The following MADD variants were observed in gnomAD, a reference collection of about 807,000 sequenced individuals.
MADD encodes MAP kinase-activating death domain protein.
MADD carries 109 observed loss-of-function variants against 176.7 expected under a neutral mutation model. That is an observed-to-expected ratio of 0.62 (90% CI 0.53 to 0.72). MADD has a LOEUF of 0.72. MADD is among the 30% of genes least tolerant of loss of function. The pLI is 0.00. For synonymous variants in MADD, 771 were observed against 771.3 expected, an observed-to-expected ratio of 1.00 and a Z score of 0.01; for missense variants, 1,914 against 2,045.5, an observed-to-expected ratio of 0.94 and a Z score of 1.24.
intron 23 of MADD, 73 bp downstream of exon 25, chr11:47,308,772 C>T: frequency 7.8e-7 from 1 of 1,274,514 alleles, no homozygotes; most frequent in Non-Finnish European, 1.1e-6. Flanking sequence ...TCACACTGAA[C>T]AAGTAGCTGG....
At chr11:47,300,786 C>CGT (rs2077125319) in intron 22 of MADD, among the ~76,000 whole-genome samples, 1 of 152,214 alleles carries the variant, frequency 6.6e-6, no homozygotes, top group Non-Finnish European at 1.5e-5. Flanking sequence ...GCGTGAACCA[C>CGT]CGTGCCCTGT....
chr11:47,290,485 T>A, intron 18 of MADD, 125 bp from the exon 20 acceptor site: 1 of 1,252,692 alleles, frequency 8.0e-7, no homozygotes, highest in South Asian at 1.5e-5. Context: ...AAATAAGACA[T>A]CAGCTCATCT....
intron 1 of MADD, chr11:47,272,390 C>T (rs1965584615): frequency 6.6e-6 from 1 of 152,120 alleles, no homozygotes; most frequent in African/African-American, 2.4e-5. Context: ...TACTCATTAC[C>T]TAAACCAAAT....
intron 7 of MADD, among the ~76,000 whole-genome samples, chr11:47,280,151 T>C (rs2055046096): frequency 1.3e-5 from 2 of 152,224 alleles, no homozygotes; most frequent in Non-Finnish European, 1.5e-5. Flanking sequence ...CTCTGCATGC[T>C]GAACACAGTA....
At chr11:47,327,641 C>A (rs2095599827) in intron 31 of MADD, 2 of 985,314 alleles carry the variant, frequency 2.0e-6, no homozygotes, top group African/African-American at 3.5e-5. Flanking sequence ...TCCCTTCTCT[C>A]TTCTGTCAGA....
chr11:47,285,813 G>A (rs1001346700), intron 14 of MADD, among the ~76,000 whole-genome samples: 4 of 152,086 alleles, frequency 2.6e-5, no homozygotes, highest in African/African-American at 9.7e-5. Context: ...GTCTATTTCA[G>A]GTAAGACAGC....
intron 14 of MADD, 21 bp downstream of exon 14, chr11:47,285,611 C>T (rs558407899): frequency 1.2e-6 from 2 of 1,613,734 alleles, no homozygotes; most frequent in South Asian, 1.1e-5. Flanking sequence ...TCAGCTGTCT[C>T]TCTCACTCCT....
exon 25 of MADD, chr11:47,309,612 G>A (rs1478373030): frequency 6.2e-7 from 1 of 1,611,972 alleles, no homozygotes. Flanking sequence ...TGCTGATGAA[G>A]GTAATGTCAA....
chr11:47,289,904 G>A lies in MADD; in HGVS notation c.2794G>A (p.Val932Met), dbSNP rs368939201. The change falls in exon 17 of 33, where the codon GTG becomes ATG. Residue 932 changes from valine to methionine, a missense_variant. By Grantham distance (21) the Val-to-Met change is conservative. Around this residue, in one of 2 missense-constraint regions of MADD, gnomAD observed 1,767 missense variants for 1,836.0 expected, o/e 0.96. Transcript: ENST00000402192. ...GTTCCTGAAGGAGGTGGTGCACAGC[G>A]TGCTGGACGGCCAGGGAGTTGGCTG... is the stretch of plus-strand genomic sequence containing the variant. 9 of 1,614,072 alleles carry A rather than the reference G, an allele frequency of 5.6e-6. No individual in the cohort carries two copies. The highest frequency in any genetic ancestry group is 2.2e-5 in the South Asian group (2 of 91,080).
In MADD at chr11:47,281,530, C is replaced by A. The variant is rs1237279000; in HGVS notation, c.1291-45C>A. The A allele has an allele frequency of 3.3e-6, 5 of 1,514,472 alleles. 1 individual carries two copies. The South Asian group carries it at 6.2e-5, about 19-fold the overall frequency. The allele number at this position is 1,514,472 out of a possible 1,614,324, so 93.8% of individuals were successfully genotyped here. On this transcript the variant is annotated intron_variant, in intron 7 of 32. Coordinates refer to ENST00000402192, the Ensembl canonical transcript of MADD. ...CCTTGGAGTTAAGATTGGCTAGCTG[C>A]CCAGGGACGTTCCTTGTGTAAGGAA... is the stretch of plus-strand genomic sequence containing the variant.
In MADD at chr11:47,285,196, T is replaced by C. The variant is rs1349012053; in HGVS notation, c.2411+2T>C. 1 of 1,613,250 alleles carries C rather than the reference T, an allele frequency of 6.2e-7. No individual in the cohort carries two copies. Among genetic ancestry groups the C allele is most frequent in the Admixed American group, 1.7e-5 (1 of 59,994 alleles). On this transcript the variant is annotated splice_donor_variant, in intron 13 of 32. Coordinates refer to ENST00000402192, the Ensembl canonical transcript of MADD. LOFTEE classifies it high-confidence loss of function. ...CAGCCAACATGTCAGTGGCAATCGG[T>C]GAGAGCCTGGGCATCCCTTCTAGAT...
At chr11:47,302,260 C>T (rs549372567) in intron 22 of MADD, among the ~76,000 whole-genome samples, 1 of 152,292 alleles carries the variant, frequency 6.6e-6, no homozygotes, top group African/African-American at 2.4e-5. Flanking sequence ...GTCGCCCAGG[C>T]TGGAGTGCAG....
intron 3 of MADD, 54 bp from the exon 4 acceptor site, chr11:47,275,845 T>C: frequency 1.3e-6 from 2 of 1,504,176 alleles, no homozygotes; most frequent in Non-Finnish European, 1.8e-6. Context: ...TGAGTTGCAG[T>C]AGGGTATCAG....
exon 33 of MADD, chr11:47,330,010 GAAAT>G (rs1442306777): frequency 6.5e-6 from 1 of 152,698 alleles, no homozygotes; most frequent in Non-Finnish European, 1.5e-5. Context: ...GTGTGAATGT[GAAAT>G]AAATGTCCTC....
intron 20 of MADD, among the ~76,000 whole-genome samples, chr11:47,294,634 C>T (rs2068897441): frequency 7.7e-6 from 1 of 129,668 alleles, no homozygotes; most frequent in African/African-American, 3.0e-5. Context: ...TGCGCCACTG[C>T]ACTCCAGCCT....
At chr11:47,285,422 G>A (rs932166993) in intron 13 of MADD, 29 bp from the exon 14 acceptor site, 5 of 1,613,382 alleles carry the variant, frequency 3.1e-6, no homozygotes, top group Non-Finnish European at 4.2e-6. Context: ...CCCCTGCCTG[G>A]GGATCATAGG....
At chr11:47,309,973 CT>C (rs1472956360) in intron 25 of MADD, among the ~76,000 whole-genome samples, 5 of 151,668 alleles carry the variant, frequency 3.3e-5, no homozygotes, top group African/African-American at 4.8e-5. Context: ...TCCCAAGTAG[CT>C]GCGATTACAG....
chr11:47,325,539 G>A lies in MADD; in HGVS notation c.4542+962G>A, dbSNP rs371278667. Among the ~76,000 whole-genome samples, 4 of 152,308 alleles carry A rather than the reference G, an allele frequency of 2.6e-5. No individual in the cohort carries two copies. The South Asian group carries it at 6.2e-4, about 24-fold the overall frequency. ...GCCGTTGTAGCTCTCTTTCAGGAAC[G>A]TAGCTGGGCAGCTTTGGTTTAACAG... is the stretch of plus-strand genomic sequence containing the variant. On this transcript the variant is annotated intron_variant, in intron 30 of 32. Transcript: ENST00000402192. The surrounding 1 kb of genome is among the most constrained non-coding windows in gnomAD (Gnocchi z 4.5).
chr11:47,309,358 G>C (rs1456584083), exon 24 of MADD: 1 of 1,614,240 alleles, frequency 6.2e-7, no homozygotes, highest in South Asian at 1.1e-5. Flanking sequence ...GTTGGAGAGA[G>C]AAGGGATGGG....
Sources: allele counts gnomAD v4.1 joint callset (sites outside exome capture counted in the v4.1 genomes callset), GRCh38; gene constraint gnomAD v4.1.1; regional missense constraint gnomAD v4.1.1; non-coding constraint Gnocchi (gnomAD v3.1); transcripts MANE v1.5; gene names NCBI Gene and HGNC (gene_info 2026-07-23, HGNC 2026-07-21).